The following PPP2R5A variants were observed in gnomAD, a reference collection of about 807,000 sequenced individuals.
PPP2R5A encodes protein phosphatase 2 regulatory subunit B'alpha.
In PPP2R5A, 25 loss-of-function variants were observed where a neutral mutation model predicts 64.2. The ratio of observed to expected loss-of-function variants is 0.39; its 90% CI spans 0.28 to 0.54. PPP2R5A has a LOEUF of 0.54. PPP2R5A is among the 20% of genes least tolerant of loss of function. PPP2R5A has a pLI of 0.67. For missense variants in PPP2R5A, 425 were observed against 576.3 expected, an observed-to-expected ratio of 0.74 and a Z score of 2.69; for synonymous variants, 198 against 201.2, an observed-to-expected ratio of 0.98 and a Z score of 0.13.
intron 1 of PPP2R5A, among the ~76,000 whole-genome samples, chr1:212,306,360 G>T (rs924788821): frequency 2.0e-5 from 3 of 151,398 alleles, no homozygotes; most frequent in South Asian, 4.2e-4. Flanking sequence ...AAGAATGGAG[G>T]GGGGGTAACT....
intron 4 of PPP2R5A, among the ~76,000 whole-genome samples, chr1:212,344,074 C>T (rs1659732790): frequency 6.6e-6 from 1 of 152,146 alleles, no homozygotes; most frequent in African/African-American, 2.4e-5. Flanking sequence ...CAGGTTCAAG[C>T]GATTCTCCTG....
At chr1:212,301,702 A>G in intron 1 of PPP2R5A, 3 of 471,132 alleles carry the variant, frequency 6.4e-6, no homozygotes, top group African/African-American at 2.1e-5. Flanking sequence ...TTCTAGGGGT[A>G]TTGCCAAAAA....
chr1:212,333,455 T>A, intron 2 of PPP2R5A, 42 bp from the exon 3 acceptor site: 3 of 1,273,340 alleles, frequency 2.4e-6, no homozygotes, highest in Non-Finnish European at 3.2e-6. Context: ...CCAATTCAAT[T>A]ACACATACAA....
intron 7 of PPP2R5A, among the ~76,000 whole-genome samples, chr1:212,348,987 C>T (rs927123698): frequency 5.9e-5 from 9 of 152,074 alleles, no homozygotes; most frequent in African/African-American, 2.2e-4. Flanking sequence ...AAGTTACTTT[C>T]AAGGCTAAAA....
intron 1 of PPP2R5A, among the ~76,000 whole-genome samples, chr1:212,288,835 C>A (rs1267118056): frequency 6.7e-6 from 1 of 149,118 alleles, no homozygotes; most frequent in Non-Finnish European, 1.5e-5. Context: ...TCCATGGACT[C>A]CAAGATCTTT....
Position 212,320,407 on chromosome 1 carries a change from C to G in PPP2R5A, c.182-8728C>G, listed in dbSNP as rs569289886. On this transcript the variant is annotated intron_variant, in intron 1 of 12. Coordinates refer to ENST00000261461, the MANE Select transcript of PPP2R5A (RefSeq NM_006243.4). ...TCTTTTCCCCACCTTTCCCCCCTTTCTATTCCACAAAACCGCCATTGTCAT... is the reference window on the plus strand; with the variant it reads ...TCTTTTCCCCACCTTTCCCCCCTTTGTATTCCACAAAACCGCCATTGTCAT... Among the ~76,000 whole-genome samples the G allele has an allele frequency of 7.3e-3, 1,115 of 152,300 alleles. 8 individuals carry two copies. Among genetic ancestry groups the G allele is most frequent in the Middle Eastern group, 0.027 (8 of 294 alleles).
At chr1:212,333,361 GA>G (rs1659539978) in intron 2 of PPP2R5A, 135 bp from the exon 3 acceptor site, 1 of 458,654 alleles carries the variant, frequency 2.2e-6, no homozygotes, top group Non-Finnish European at 3.8e-6. Context: ...TTTGTATCTT[GA>G]AGAGGTTTAC....
chr1:212,335,613 C>T (rs17018933), intron 3 of PPP2R5A, among the ~76,000 whole-genome samples: 17,801 of 151,994 alleles, frequency 0.12, 2,646 homozygotes, highest in African/African-American at 0.35. Flanking sequence ...TAAAATGGAG[C>T]GGTGTCCTAG....
At chr1:212,314,587 C>G (rs559553066) in intron 1 of PPP2R5A, among the ~76,000 whole-genome samples, 1 of 145,118 alleles carries the variant, frequency 6.9e-6, no homozygotes, top group Non-Finnish European at 1.5e-5. Flanking sequence ...GATGGTGTCT[C>G]GCTGTGATGC....
chr1:212,349,539 A>G (rs191296629), intron 8 of PPP2R5A, among the ~76,000 whole-genome samples: 50 of 152,290 alleles, frequency 3.3e-4, no homozygotes, highest in Middle Eastern at 6.8e-3. Flanking sequence ...GTCTTCACCA[A>G]TAATCTTTTA....
chr1:212,324,366 A>G (rs1359661821), intron 1 of PPP2R5A, among the ~76,000 whole-genome samples: 5 of 152,218 alleles, frequency 3.3e-5, no homozygotes. Flanking sequence ...TCACATAAGC[A>G]GTCTGTTGTT....
chr1:212,325,360 G>T (rs1305238220), intron 1 of PPP2R5A, among the ~76,000 whole-genome samples: 1 of 152,114 alleles, frequency 6.6e-6, no homozygotes, highest in African/African-American at 2.4e-5. Flanking sequence ...GAAAGATAGG[G>T]GAGGAAATCT....
In PPP2R5A at chr1:212,286,123, T is replaced by TCGC. The variant is rs781154263; in HGVS notation, c.19_21dup (p.Pro7dup). 46 of 1,577,640 alleles carry TCGC rather than the reference T, an allele frequency of 2.9e-5. No individual in the cohort carries two copies. The South Asian group carries it at 4.0e-4, about 14-fold the overall frequency. ...CAGGGCCGCGGAGATGTCGTCGTCGTCGCCGCCGGCGGGGGCTGCCAGCGC... is the reference window on the plus strand; with the variant it reads ...CAGGGCCGCGGAGATGTCGTCGTCGTCGCCGCCGCCGGCGGGGGCTGCCAGCGC... On this transcript the variant is annotated inframe_insertion, in exon 1 of 13. Coordinates refer to ENST00000261461, the MANE Select transcript of PPP2R5A (RefSeq NM_006243.4).
chr1:212,353,377 G>C (rs1389435454), intron 8 of PPP2R5A, among the ~76,000 whole-genome samples: 1 of 152,134 alleles, frequency 6.6e-6, no homozygotes, highest in Non-Finnish European at 1.5e-5. Context: ...AAGTCACTAG[G>C]ACAGCTCACA....
intron 1 of PPP2R5A, among the ~76,000 whole-genome samples, chr1:212,292,092 A>G (rs1300433212): frequency 1.3e-5 from 2 of 152,206 alleles, no homozygotes; most frequent in Admixed American, 1.3e-4. Context: ...GTTTTTGGTC[A>G]TGCCTTATTT....
At chr1:212,357,402 A>T in intron 11 of PPP2R5A, 118 bp downstream of exon 11, 1 of 950,982 alleles carries the variant, frequency 1.1e-6, no homozygotes, top group South Asian at 2.2e-5. Context: ...CTCCAAGGTT[A>T]ACATCAGTTG....
At chr1:212,353,889 A>G (rs921571319) in intron 8 of PPP2R5A, among the ~76,000 whole-genome samples, 1 of 152,162 alleles carries the variant, frequency 6.6e-6, no homozygotes, top group Non-Finnish European at 1.5e-5. Context: ...CATTTCGTTT[A>G]ATAACAGGCT....
intron 1 of PPP2R5A, chr1:212,299,647 A>C (rs1402497081): frequency 6.6e-6 from 1 of 152,218 alleles, no homozygotes; most frequent in Non-Finnish European, 1.5e-5. Context: ...AGACAAGCTG[A>C]AATGAGAGTT....
At chr1:212,297,069 C>A (rs953539971) in intron 1 of PPP2R5A, among the ~76,000 whole-genome samples, 1 of 143,032 alleles carries the variant, frequency 7.0e-6, no homozygotes, top group African/African-American at 2.6e-5. Flanking sequence ...AAGAGAAATA[C>A]GTTTCTTTTC....
Sources: allele counts gnomAD v4.1 joint callset (sites outside exome capture counted in the v4.1 genomes callset), GRCh38; gene constraint gnomAD v4.1.1; transcripts MANE v1.5; gene names NCBI Gene and HGNC (gene_info 2026-07-23, HGNC 2026-07-21).